The following SVEP1 variants were observed in gnomAD, a reference collection of about 807,000 sequenced individuals.
The protein encoded by SVEP1 is sushi, von Willebrand factor type A, EGF and pentraxin domain-containing protein 1.
In SVEP1, 164 loss-of-function variants were observed where a neutral mutation model predicts 367.3. The ratio of observed to expected loss-of-function variants is 0.45; its 90% CI spans 0.39 to 0.51. SVEP1 has a LOEUF of 0.51. Ranked by LOEUF, SVEP1 falls within the 20% of genes least tolerant of loss-of-function variation. The pLI, the probability that SVEP1 is intolerant of heterozygous loss-of-function variation, is 0.00. For synonymous variants in SVEP1, 1,666 were observed against 1,611.6 expected, an observed-to-expected ratio of 1.03 and a Z score of -0.81; for missense variants, 4,117 against 4,425.3, an observed-to-expected ratio of 0.93 and a Z score of 1.98.
In SVEP1 at chr9:110,499,308, C is replaced by T. The variant is rs575567744; in HGVS notation, c.1484-70G>A. 7 of 1,421,166 alleles carry T rather than the reference C, an allele frequency of 4.9e-6. No individual in the cohort carries two copies. The East Asian group carries it at 1.6e-4, about 33-fold the overall frequency. 88.0% of individuals were successfully genotyped at this position (1,421,166 alleles called of 1,614,324 possible). On this transcript the variant is annotated intron_variant, in intron 6 of 47. Coordinates refer to ENST00000374469, the MANE Select transcript of SVEP1 (RefSeq NM_153366.4). ...TTGGAAATGCCATGGATTCTTTTTA[C>T]TCAAGAAAAATACAATTATGCTGCC...
At chr9:110,445,136 T>C (rs1439611357) in intron 26 of SVEP1, among the ~76,000 whole-genome samples, 2 of 152,150 alleles carry the variant, frequency 1.3e-5, no homozygotes, top group Non-Finnish European at 2.9e-5. Flanking sequence ...ATTTCACATG[T>C]TTAAAAAAGC....
Position 110,531,994 on chromosome 9 carries a change from G to T in SVEP1, c.964+14121C>A, listed in dbSNP as rs1830028419. On this transcript the variant is annotated intron_variant, in intron 3 of 47. Coordinates refer to ENST00000374469, the MANE Select transcript of SVEP1 (RefSeq NM_153366.4). ...TTGATACTAAGCCAGTGCTTCCCAG[G>T]GTCAGTAGACTTGTTCACCTTCACT... Among the ~76,000 whole-genome samples the T allele has an allele frequency of 2.0e-5, 3 of 152,036 alleles. No individual in the cohort carries two copies. The South Asian group carries it at 6.2e-4, about 32-fold the overall frequency.
At chr9:110,429,722 G>T (rs143961772) in intron 34 of SVEP1, among the ~76,000 whole-genome samples, 198 bp downstream of exon 34, 237 of 152,134 alleles carry the variant, frequency 1.6e-3, no homozygotes, top group African/African-American at 5.4e-3. Flanking sequence ...TTGGTCAGGG[G>T]ATTTAAGGAT....
chr9:110,411,961 C>G (rs373113963), intron 36 of SVEP1, among the ~76,000 whole-genome samples: 1 of 152,002 alleles, frequency 6.6e-6, no homozygotes, highest in Non-Finnish European at 1.5e-5. Context: ...ATCTTCCCAA[C>G]GACTTTATCT....
At chr9:110,404,815 AG>A (rs1305451388) in intron 38 of SVEP1, among the ~76,000 whole-genome samples, 3 of 152,212 alleles carry the variant, frequency 2.0e-5, no homozygotes, top group Non-Finnish European at 4.4e-5. Context: ...ACTTGAGTCC[AG>A]GAGCTTGAGA....
At chr9:110,422,673 A>C (rs1323521242) in intron 36 of SVEP1, among the ~76,000 whole-genome samples, 3 of 124,570 alleles carry the variant, frequency 2.4e-5, no homozygotes, top group African/African-American at 9.8e-5. Context: ...ATGCACACGT[A>C]TGTTTATAGC....
intron 40 of SVEP1, among the ~76,000 whole-genome samples, chr9:110,390,616 A>C (rs1827640811): frequency 6.6e-6 from 1 of 151,864 alleles, no homozygotes; most frequent in African/African-American, 2.4e-5. Context: ...ACAACTTCTC[A>C]GGTGATTCTC....
chr9:110,562,571 C>A (rs565734107), intron 1 of SVEP1, among the ~76,000 whole-genome samples: 1 of 152,154 alleles, frequency 6.6e-6, no homozygotes, highest in Non-Finnish European at 1.5e-5. Flanking sequence ...AGGGAAAGAA[C>A]AGAGAGGTAC....
chr9:110,471,308 C>G, intron 16 of SVEP1, 56 bp downstream of exon 16: 1 of 1,400,072 alleles, frequency 7.1e-7, no homozygotes, highest in East Asian at 2.3e-5. Flanking sequence ...TGGCTACACC[C>G]ATCTCATTTG....
At chr9:110,528,428 G>C (rs1320640459) in intron 3 of SVEP1, among the ~76,000 whole-genome samples, 2 of 151,626 alleles carry the variant, frequency 1.3e-5, no homozygotes, top group African/African-American at 4.8e-5. Context: ...TCCAATAGCA[G>C]TATATAAGTG....
chr9:110,407,638 C>G lies in SVEP1; in HGVS notation c.7962G>C (p.Leu2654Phe). ...TTTCCCAGGTTTTAGCCACTGCTCC[C>G]AAATGATAAGGAGGGTGAGGAGTCA... ...PYVTPHPPYH[L>F]GAVAKTWENT... The change falls in exon 38 of 48, where the codon TTG becomes TTC. Residue 2654 changes from leucine to phenylalanine, a missense_variant. Coordinates refer to ENST00000374469, the MANE Select transcript of SVEP1 (RefSeq NM_153366.4). The G allele has an allele frequency of 6.2e-7, 1 of 1,613,978 alleles. No homozygotes were observed. Among genetic ancestry groups the G allele is most frequent in the African/African-American group, 1.3e-5 (1 of 75,040 alleles).
At chr9:110,563,875 C>T (rs977438684) in intron 1 of SVEP1, among the ~76,000 whole-genome samples, 11 of 152,176 alleles carry the variant, frequency 7.2e-5, no homozygotes, top group Non-Finnish European at 1.5e-4. Context: ...AGTCTTAACT[C>T]TGTAGTACCT....
At chr9:110,573,526 G>A (rs1830590164) in intron 1 of SVEP1, among the ~76,000 whole-genome samples, 1 of 151,954 alleles carries the variant, frequency 6.6e-6, no homozygotes, top group Admixed American at 6.6e-5. Flanking sequence ...CCCCACCAGA[G>A]GATCACATTT....
rs369470200 is a variant in SVEP1, at chr9:110,529,805, G to A, written c.965-15699C>T. On this transcript the variant is annotated intron_variant, in intron 3 of 47. Coordinates refer to ENST00000374469, the MANE Select transcript of SVEP1 (RefSeq NM_153366.4). ...AGTCTTTTAGGTATAAAATCATATC[G>A]TCAGCAGAGTTAGTTTGACTTTCAC... Among the ~76,000 whole-genome samples the A allele has an allele frequency of 1.1e-3, 166 of 152,080 alleles. 1 individual carries two copies. Among genetic ancestry groups the A allele is most frequent in the African/African-American group, 3.5e-3 (146 of 41,532 alleles).
chr9:110,482,761 C>A (rs907479927), intron 10 of SVEP1, among the ~76,000 whole-genome samples: 1 of 152,180 alleles, frequency 6.6e-6, no homozygotes, highest in Non-Finnish European at 1.5e-5. Flanking sequence ...CTCCTGACCT[C>A]AGGTTATCTG....
intron 40 of SVEP1, among the ~76,000 whole-genome samples, chr9:110,398,766 A>C (rs1284599699): frequency 6.6e-6 from 1 of 152,264 alleles, no homozygotes; most frequent in Non-Finnish European, 1.5e-5. Flanking sequence ...ACTGGCCATC[A>C]GAGAAATGCA....
At chr9:110,537,397 T>C (rs1003436856) in intron 3 of SVEP1, among the ~76,000 whole-genome samples, 1 of 151,998 alleles carries the variant, frequency 6.6e-6, no homozygotes, top group Non-Finnish European at 1.5e-5. Context: ...AGTATCAAAA[T>C]GTATAACATG....
chr9:110,542,278 G>T (rs80189247), intron 3 of SVEP1, among the ~76,000 whole-genome samples: 1 of 151,994 alleles, frequency 6.6e-6, no homozygotes, highest in Admixed American at 6.6e-5. Flanking sequence ...TGATGTTTGG[G>T]TATGTTATCT....
chr9:110,500,835 T>TCTATTTA (rs1829519268), intron 6 of SVEP1, among the ~76,000 whole-genome samples: 1 of 152,034 alleles, frequency 6.6e-6, no homozygotes, highest in Non-Finnish European at 1.5e-5. Context: ...AGAGCTACTT[T>TCTATTTA]CTATTTACTA....
Sources: gnomAD v4.1 joint callset for allele counts (sites outside exome capture counted in the v4.1 genomes callset) on GRCh38, gnomAD v4.1.1 for gene constraint, MANE v1.5 for transcripts, NCBI Gene and HGNC (gene_info 2026-07-23, HGNC 2026-07-21) for gene names.